BUB1: variants seen among roughly 807,000 people sequenced by gnomAD.
BUB1 encodes the protein mitotic checkpoint serine/threonine-protein kinase BUB1.
BUB1 carries 84 observed loss-of-function variants against 135.2 expected under a neutral mutation model. That is an observed-to-expected ratio of 0.62 (90% CI 0.52 to 0.74). BUB1 has a LOEUF of 0.74. Among genes scored for constraint, BUB1 ranks in the 30% least tolerant of loss-of-function variants. BUB1 has a pLI of 0.00. For missense variants in BUB1, 1,162 were observed against 1,288.3 expected (o/e 0.90, Z 1.50); for synonymous variants, 403 against 434.4 (o/e 0.93, Z 0.90).
intron 19 of BUB1, among the ~76,000 whole-genome samples, chr2:110,645,933 G>A (rs946830385): frequency 2.0e-5 from 3 of 151,980 alleles, no homozygotes; most frequent in Non-Finnish European, 4.4e-5. Context: ...TAACAAGAGA[G>A]TGTCAAAATA....
At chr2:110,657,717 A>ATTAAAGT in intron 13 of BUB1, 72 bp from the exon 14 acceptor site, 3 of 1,099,490 alleles carry the variant, frequency 2.7e-6, no homozygotes, top group Middle Eastern at 2.5e-4. Context: ...AACTTCAACT[A>ATTAAAGT]CAAATAAGAA....
Position 110,665,657 on chromosome 2 carries a change from A to G in BUB1, c.957+606T>C, listed in dbSNP as rs972678001. Among the ~76,000 whole-genome samples, 7 of 146,276 alleles carry G rather than the reference A, an allele frequency of 4.8e-5. No homozygotes were observed. The East Asian group carries it at 1.2e-3, about 24-fold the overall frequency. On this transcript the variant is annotated intron_variant, in intron 9 of 24. Transcript: ENST00000302759. ...TGAATGCTCTCCTTCATATATACATATATACACACCTTTCATGTGATATTT... is the reference window on the plus strand; with the variant it reads ...TGAATGCTCTCCTTCATATATACATGTATACACACCTTTCATGTGATATTT...
At position 110,666,412 on chromosome 2, in the gene BUB1, T is replaced by C. The variant is rs779483563; in HGVS notation, c.808A>G (p.Asn270Asp). The change falls in exon 9 of 25, where the codon AAT becomes GAT. Residue 270 changes from asparagine (N) to aspartate (D), a missense_variant and splice_region_variant. Asn to Asp is a conservative substitution (Grantham distance 23, BLOSUM62 1). Coordinates refer to ENST00000302759, the MANE Select transcript of BUB1 (RefSeq NM_004336.5). ...CTTTTCATATAATGTCTGTCTTCAT[T>C]TACTTTAGGAAAGATAGAAATGGTT... The part of the protein sequence containing the change: ...NQRRKHEQWV[N>D]EDRHYMKRKE... The C allele has an allele frequency of 7.1e-7, 1 of 1,412,832 alleles. No individual in the cohort carries two copies. The highest frequency in any genetic ancestry group is 9.3e-7 in the Non-Finnish European group (1 of 1,072,826). The allele number at this position is 1,412,832 out of a possible 1,614,324, so 87.5% of individuals were successfully genotyped here.
At chr2:110,658,566 TTCATTAACTTGTCA>T in intron 12 of BUB1, 34 bp downstream of exon 12, 1 of 1,613,862 alleles carries the variant, frequency 6.2e-7, no homozygotes, top group Non-Finnish European at 8.5e-7. Context: ...CAAAAGAGCT[TTCATTAACTTGTCA>T]TCAGGTGCTA....
intron 18 of BUB1, among the ~76,000 whole-genome samples, chr2:110,649,700 T>C (rs896557765): frequency 6.6e-6 from 1 of 152,168 alleles, no homozygotes; most frequent in Non-Finnish European, 1.5e-5. Context: ...ATACATGTCT[T>C]AAGGGCAGAT....
intron 4 of BUB1, 140 bp from the exon 5 acceptor site, chr2:110,670,708 A>G: frequency 1.3e-6 from 1 of 743,958 alleles, no homozygotes; most frequent in Non-Finnish European, 2.1e-6. Context: ...GTTGCATTTT[A>G]GAGTTGCTTC....
chr2:110,659,138 C>A (rs909604614), intron 11 of BUB1, among the ~76,000 whole-genome samples: 10 of 152,170 alleles, frequency 6.6e-5, no homozygotes, highest in African/African-American at 2.4e-4. Flanking sequence ...CCCTGCACAG[C>A]CTGGGTCCTG....
rs573593471 is a variant in BUB1, at chr2:110,637,722, T to C, written c.*242A>G. 1.6e-4 allele frequency: 54 copies of C among 328,824 alleles called. No individual in the cohort carries two copies. Among genetic ancestry groups the C allele is most frequent in the African/African-American group, 1.1e-3 (54 of 47,210 alleles). 20.4% of individuals were successfully genotyped at this position (328,824 alleles called of 1,614,324 possible). ...AAAAGTGATTTCTAGAGAATGCTCA[T>C]GTCTGAATTATTCTCACAAATGCTT... On this transcript the variant is annotated 3_prime_UTR_variant, in exon 25 of 25. Transcript: ENST00000302759.
intron 16 of BUB1, among the ~76,000 whole-genome samples, chr2:110,655,517 T>C (rs1293680250): frequency 6.6e-6 from 1 of 152,140 alleles, no homozygotes; most frequent in Non-Finnish European, 1.5e-5. Flanking sequence ...ATCTAAGCTA[T>C]TATATTTTAA....
rs1469496916 is a variant in BUB1, at chr2:110,667,512, T to C, written c.805+9A>G. The C allele has an allele frequency of 6.3e-7, 1 of 1,595,072 alleles. No homozygotes were observed. The highest frequency in any genetic ancestry group is 2.2e-5 in the East Asian group (1 of 44,732). On this transcript the variant is annotated intron_variant, in intron 8 of 24. Coordinates refer to ENST00000302759, the MANE Select transcript of BUB1 (RefSeq NM_004336.5). ...ATAAGAATAACTAAAAATACAAGAT[T>C]GCAAGTACCCCATTGCTCATGCTTT...
rs756454638 is a variant in BUB1, at chr2:110,657,031, T to C, written c.1698+5A>G. The stretch of plus-strand genomic sequence containing the variant: ...CCATTTCATAGATAAAACAGGTTTG[T>C]TTACCTTTGGTTTTGAAGGAAGTCT... On this transcript the variant is annotated splice_donor_5th_base_variant and intron_variant, in intron 15 of 24. Coordinates refer to ENST00000302759, the MANE Select transcript of BUB1 (RefSeq NM_004336.5). 7 of 1,610,696 alleles carry C rather than the reference T, an allele frequency of 4.3e-6. No individual in the cohort carries two copies. The South Asian group carries it at 5.5e-5, about 13-fold the overall frequency.
intron 8 of BUB1, among the ~76,000 whole-genome samples, chr2:110,666,992 TG>T (rs1690276738): frequency 6.6e-6 from 1 of 152,304 alleles, no homozygotes; most frequent in Admixed American, 6.5e-5. Flanking sequence ...TTAACTGACT[TG>T]TCTTCTCTGT....
intron 1 of BUB1, among the ~76,000 whole-genome samples, chr2:110,677,757 A>G (rs1183065336): frequency 6.6e-6 from 1 of 152,252 alleles, no homozygotes; most frequent in Non-Finnish European, 1.5e-5. Flanking sequence ...ACCGCGGCGC[A>G]GATGGGCGGA....
chr2:110,658,322 G>T, intron 13 of BUB1, 88 bp downstream of exon 13: 1 of 1,066,838 alleles, frequency 9.4e-7, no homozygotes, highest in Non-Finnish European at 1.3e-6. Context: ...CTAATCAAGG[G>T]CAGGGTCACC....
At chr2:110,640,003 T>G in intron 23 of BUB1, 155 bp from the exon 24 acceptor site, 1 of 710,664 alleles carries the variant, frequency 1.4e-6, no homozygotes, top group Non-Finnish European at 2.6e-6. Context: ...CACTAACATG[T>G]CTTACTGAAT....
Position 110,659,987 on chromosome 2 carries a change from T to C in BUB1, c.1267A>G (p.Ile423Val). 1 of 1,610,040 alleles carries C rather than the reference T, an allele frequency of 6.2e-7. No individual in the cohort carries two copies. The highest frequency in any genetic ancestry group is 1.3e-5 in the African/African-American group (1 of 74,982). Residue 423 changes from isoleucine (I) to valine (V), a missense_variant, in exon 11 of 25, where the codon ATC becomes GTC. Coordinates refer to ENST00000302759, the MANE Select transcript of BUB1 (RefSeq NM_004336.5). ...TATAATTAAACATTACCTTCTTTGATCTCTGCTCCACTCTGTGGCTTGAAT... is the reference window on the plus strand; with the variant it reads ...TATAATTAAACATTACCTTCTTTGACCTCTGCTCCACTCTGTGGCTTGAAT... ...HEFKPQSGAEIKEGCETHKVA... is the reference protein window; with the variant it reads ...HEFKPQSGAEVKEGCETHKVA...
At chr2:110,644,058 C>CAAAAAAAAAAAAAA (rs58393999) in intron 19 of BUB1, among the ~76,000 whole-genome samples, 606 of 39,080 alleles carry the variant, frequency 0.016, no homozygotes, top group Middle Eastern at 0.053. Flanking sequence ...AACTGAAATG[C>CAAAAAAAAAAAAAA]AAAAAAAAAA....
intron 11 of BUB1, among the ~76,000 whole-genome samples, chr2:110,659,289 A>G (rs1690015531): frequency 6.6e-6 from 1 of 152,180 alleles, no homozygotes; most frequent in South Asian, 2.1e-4. Flanking sequence ...TGCCCAAGCT[A>G]ATGGCATGGT....
chr2:110,648,060 A>C lies in BUB1; in HGVS notation c.2347+1174T>G, dbSNP rs2104523693. 1.3e-5 allele frequency among the ~76,000 whole-genome samples: 2 copies of C among 152,334 alleles called. No individual in the cohort carries two copies. Among genetic ancestry groups the C allele is most frequent in the East Asian group, 3.9e-4 (2 of 5,188 alleles). On this transcript the variant is annotated intron_variant, in intron 19 of 24. Coordinates refer to ENST00000302759, the MANE Select transcript of BUB1 (RefSeq NM_004336.5). The surrounding 1 kb of genome is among the most constrained non-coding windows in gnomAD (Gnocchi z 4.2). ...GGTATTTACCCAAATTATGAGTTGAAAACTTATGTCCACACAAAAACTTGC... is the reference window on the plus strand; with the variant it reads ...GGTATTTACCCAAATTATGAGTTGACAACTTATGTCCACACAAAAACTTGC...
Sources: allele counts gnomAD v4.1 joint callset (sites outside exome capture counted in the v4.1 genomes callset), GRCh38; gene constraint gnomAD v4.1.1; non-coding constraint Gnocchi (gnomAD v3.1); transcripts MANE v1.5; gene names NCBI Gene and HGNC (gene_info 2026-07-23, HGNC 2026-07-21).